MARCO: variants seen among roughly 807,000 people sequenced by gnomAD.
MARCO encodes macrophage receptor with collagenous structure.
A neutral mutation model predicts 70.0 loss-of-function variants in MARCO; 72 were observed. That is an observed-to-expected ratio of 1.03 (90% CI 0.85 to 1.25). MARCO has a LOEUF of 1.25. MARCO is among the 50% of genes most tolerant of loss of function. The probability of loss-of-function intolerance (pLI) is 0.00; values close to 1 mark genes in which losing one functional copy is unlikely to be tolerated. For missense variants in MARCO, 696 were observed against 659.3 expected (o/e 1.06, Z -0.61); for synonymous variants, 273 against 243.1 (o/e 1.12, Z -1.14).
chr2:118,969,644 C>T (rs1433818797), intron 2 of MARCO, among the ~76,000 whole-genome samples: 1 of 152,170 alleles, frequency 6.6e-6, no homozygotes, highest in Non-Finnish European at 1.5e-5. Context: ...TTGAAGTATT[C>T]CCAATCTAAA....
chr2:118,970,260 C>A lies in MARCO; in HGVS notation c.346C>A (p.Leu116Met), dbSNP rs1234285511. Residue 116 changes from leucine (L) to methionine (M), a missense_variant, in exon 3 of 17, where the codon CTG becomes ATG. Leu to Met is a conservative substitution (Grantham distance 15, BLOSUM62 2). Coordinates refer to ENST00000327097, the MANE Select transcript of MARCO (RefSeq NM_006770.4). The stretch of plus-strand genomic sequence containing the variant: ...TCAGGGTGCATCGAGGCTGCAAGTC[C>A]TGCAGGCCCAACTCACCTGGGTCCG... Reference protein sequence around the residue: ...LAQGASRLQVLQAQLTWVRVS... With the variant: ...LAQGASRLQVMQAQLTWVRVS... 3 of 1,613,974 alleles carry A rather than the reference C, an allele frequency of 1.9e-6. No individual in the cohort carries two copies. Among genetic ancestry groups the A allele is most frequent in the Non-Finnish European group, 2.5e-6 (3 of 1,180,032 alleles).
chr2:118,952,313 C>T (rs1232283136), intron 1 of MARCO, among the ~76,000 whole-genome samples: 2 of 152,148 alleles, frequency 1.3e-5, no homozygotes. Context: ...CTGAAGGTCC[C>T]TTGCACACTT....
At chr2:118,988,518 G>T (rs1374238644) in intron 12 of MARCO, among the ~76,000 whole-genome samples, 2 of 152,062 alleles carry the variant, frequency 1.3e-5, no homozygotes, top group African/African-American at 4.8e-5. Flanking sequence ...CCTTCTATCT[G>T]CATCCCAGAG....
At chr2:118,976,658 A>G (rs373200054) in intron 6 of MARCO, among the ~76,000 whole-genome samples, 4 of 152,188 alleles carry the variant, frequency 2.6e-5, no homozygotes, top group African/African-American at 9.7e-5. Context: ...CTAATTATGC[A>G]TCTGCTGAGG....
intron 12 of MARCO, among the ~76,000 whole-genome samples, chr2:118,989,640 G>A (rs1028123557): frequency 5.3e-5 from 8 of 152,246 alleles, no homozygotes; most frequent in African/African-American, 1.9e-4. Context: ...GGATTGAAGT[G>A]AGAGGTGGGG....
chr2:118,977,468 C>T lies in MARCO; in HGVS notation c.614-3C>T, dbSNP rs1680305477. The T allele has an allele frequency of 5.6e-6, 9 of 1,613,510 alleles. No individual in the cohort carries two copies. The highest frequency in any genetic ancestry group is 5.9e-6 in the Non-Finnish European group (7 of 1,179,612). ...AACTGAGCTCTTTTTTCCTTCCTCACAGGCCTCCAAGGACCCCAGGGTGCT... is the reference window on the plus strand; with the variant it reads ...AACTGAGCTCTTTTTTCCTTCCTCATAGGCCTCCAAGGACCCCAGGGTGCT... On this transcript the variant is annotated splice_polypyrimidine_tract_variant and splice_region_variant and intron_variant, in intron 6 of 16. Transcript: ENST00000327097.
rs140220826 is a variant in MARCO, at chr2:118,976,411, A to G, written c.614-1060A>G. Among the ~76,000 whole-genome samples, 1,027 of 152,126 alleles carry G rather than the reference A, an allele frequency of 6.8e-3. 19 individuals are homozygous for G. The highest frequency in any genetic ancestry group is 0.045 in the East Asian group (233 of 5,154). On this transcript the variant is annotated intron_variant, in intron 6 of 16. Transcript: ENST00000327097. ...TCAGCAACTCACTTAGAGCCTCTCT[A>G]TATACACCCACCTCCTCTCACTCCT... is the stretch of plus-strand genomic sequence containing the variant.
At chr2:118,974,684 C>T (rs1260107135) in intron 6 of MARCO, 119 bp downstream of exon 6, 21 of 983,208 alleles carry the variant, frequency 2.1e-5, no homozygotes, top group African/African-American at 8.2e-5. Flanking sequence ...TGTAGGTGAA[C>T]GGAGGCCTGG....
chr2:118,992,660 A>C (rs1680644466), intron 15 of MARCO, among the ~76,000 whole-genome samples, 184 bp downstream of exon 15: 2 of 144,096 alleles, frequency 1.4e-5, no homozygotes, highest in South Asian at 2.3e-4. Context: ...CTCCCCAGCC[A>C]CTCTCTCCCT....
rs199975278 is a variant in MARCO, at chr2:118,986,652, A to AGAAGGAAG, written c.1064-3921_1064-3914dup. Among the ~76,000 whole-genome samples the AGAAGGAAG allele has an allele frequency of 1.1e-3, 54 of 48,426 alleles. 1 individual carries two copies. The highest frequency in any genetic ancestry group is 4.2e-3 in the African/African-American group (36 of 8,600). 31.8% of individuals were successfully genotyped at this position (48,426 alleles called of 152,430 possible). On this transcript the variant is annotated intron_variant, in intron 12 of 16. Coordinates refer to ENST00000327097, the MANE Select transcript of MARCO (RefSeq NM_006770.4). The stretch of plus-strand genomic sequence containing the variant: ...AAGAAAGAAAGAAAGAAAGAAAGAA[A>AGAAGGAAG]GAAGGAAGGAAGGAAGGAAGGAAAG...
chr2:118,959,281 C>A (rs1046858764), intron 1 of MARCO, among the ~76,000 whole-genome samples: 1 of 151,880 alleles, frequency 6.6e-6, no homozygotes, highest in Non-Finnish European at 1.5e-5. Context: ...CAAACTCAAA[C>A]AAATCAGTAA....
chr2:118,977,538 G>A (rs765904127), intron 7 of MARCO, 23 bp downstream of exon 7: 2 of 1,610,344 alleles, frequency 1.2e-6, no homozygotes, highest in African/African-American at 2.7e-5. Context: ...TGCTCTGCTA[G>A]GGACAAATGA....
chr2:118,948,359 A>T (rs941241033), intron 1 of MARCO, among the ~76,000 whole-genome samples: 2 of 152,220 alleles, frequency 1.3e-5, no homozygotes, highest in Non-Finnish European at 2.9e-5. Flanking sequence ...CTAATAGCCT[A>T]CAACTTTCCT....
At chr2:118,993,421 G>A in intron 16 of MARCO, 121 bp downstream of exon 16, 1 of 1,004,416 alleles carries the variant, frequency 1.0e-6, no homozygotes, top group Non-Finnish European at 1.5e-6. Context: ...ATTGGTCCAA[G>A]CAACCAAAAA....
At chr2:118,947,114 G>T (rs1403828577) in intron 1 of MARCO, among the ~76,000 whole-genome samples, 2 of 152,022 alleles carry the variant, frequency 1.3e-5, no homozygotes, top group Admixed American at 6.6e-5. Flanking sequence ...TCTGTAACTT[G>T]CATTGTTATG....
chr2:118,974,523 C>A lies in MARCO; in HGVS notation c.571C>A (p.Pro191Thr). The A allele has an allele frequency of 1.2e-6, 2 of 1,613,890 alleles. No homozygotes were observed. Among genetic ancestry groups the A allele is most frequent in the Non-Finnish European group, 1.7e-6 (2 of 1,179,966 alleles). Reference protein sequence around the residue: ...GAMGRDGATGPSGPQGPPGVK... With the variant: ...GAMGRDGATGTSGPQGPPGVK... Reference sequence around the variant, plus strand: ...TCTGAATTCCCTTTCCCTTCCAGGCCCCTCGGGACCCCAAGGCCCACCGGG... The same window carrying A: ...TCTGAATTCCCTTTCCCTTCCAGGCACCTCGGGACCCCAAGGCCCACCGGG... Residue 191 changes from proline (P) to threonine (T), a missense_variant and splice_region_variant, in exon 6 of 17, where the codon CCC becomes ACC. Transcript: ENST00000327097.
At chr2:118,951,932 C>T (rs547207234) in intron 1 of MARCO, among the ~76,000 whole-genome samples, 2 of 151,738 alleles carry the variant, frequency 1.3e-5, no homozygotes, top group East Asian at 3.9e-4. Context: ...TGTCTCTCCG[C>T]CTCTCTCTCT....
intron 14 of MARCO, 125 bp downstream of exon 14, chr2:118,992,000 G>T: frequency 1.4e-6 from 1 of 738,522 alleles, no homozygotes; most frequent in Non-Finnish European, 2.3e-6. Flanking sequence ...GAGGGTAGAG[G>T]TTTATTTCCT....
At chr2:118,949,323 T>C (rs554461417) in intron 1 of MARCO, 4 of 152,284 alleles carry the variant, frequency 2.6e-5, no homozygotes, top group African/African-American at 9.6e-5. Context: ...GCAAACAGAA[T>C]ATTTAATCTA....
Sources: gnomAD v4.1 joint callset for allele counts (sites outside exome capture counted in the v4.1 genomes callset) on GRCh38, gnomAD v4.1.1 for gene constraint, MANE v1.5 for transcripts, NCBI Gene and HGNC (gene_info 2026-07-23, HGNC 2026-07-21) for gene names.